The following UGT1A10 variants were observed in gnomAD, a reference collection of about 807,000 sequenced individuals.
UGT1A10 encodes the protein UDP glucuronosyltransferase family 1 member A10.
UGT1A10 carries 49 observed loss-of-function variants against 45.8 expected under a neutral mutation model. The ratio of observed to expected loss-of-function variants is 1.07; its 90% confidence interval spans 0.85 to 1.36. UGT1A10 has a LOEUF of 1.36. UGT1A10 is among the 40% of genes most tolerant of loss of function. The probability of loss-of-function intolerance (pLI) is 0.00; values close to 1 mark genes in which losing one functional copy is unlikely to be tolerated. For synonymous variants in UGT1A10, 284 were observed against 249.7 expected, an observed-to-expected ratio of 1.14 and a Z score of -1.29; for missense variants, 745 against 668.6, an observed-to-expected ratio of 1.11 and a Z score of -1.26.
intron 1 of UGT1A10, chr2:233,681,854 G>A: frequency 1.3e-6 from 2 of 1,520,274 alleles, no homozygotes; most frequent in Non-Finnish European, 1.8e-6. Context: ...TTCTTTTGAG[G>A]GCAGGTTCTA....
intron 1 of UGT1A10, among the ~76,000 whole-genome samples, chr2:233,668,953 G>A (rs994940063): frequency 3.3e-5 from 5 of 152,184 alleles, no homozygotes; most frequent in Non-Finnish European, 7.3e-5. Context: ...TTCTGGTGAG[G>A]TATTCTGTAG....
rs905370510 is a variant in UGT1A10, at chr2:233,664,719, C to T, written c.855+27342C>T. On this transcript the variant is annotated intron_variant, in intron 1 of 4. Transcript: ENST00000344644. ...GGGATCCACCCCCATGATCCAAACA[C>T]CTCCCACCAGGCCCCACCTCCAACA... Among the ~76,000 whole-genome samples the T allele has an allele frequency of 1.8e-4, 27 of 152,174 alleles. 1 individual carries two copies. Among genetic ancestry groups the T allele is most frequent in the Non-Finnish European group, 7.4e-5 (5 of 68,026 alleles).
At position 233,681,832 on chromosome 2, in the gene UGT1A10, T is replaced by G. The variant is rs28969712; in HGVS notation, c.855+44455T>G. 5.5e-3 allele frequency: 8,299 copies of G among 1,503,360 alleles called. 357 individuals are homozygous for G. The African/African-American group carries it at 0.099, about 18-fold the overall frequency. The allele number at this position is 1,503,360 out of a possible 1,614,324, so 93.1% of individuals were successfully genotyped here. ...GTGAATTTTTTTTTAAATGAATGAA[T>G]AAGTACACGCCTTCTTTTGAGGGCA... On this transcript the variant is annotated intron_variant, in intron 1 of 4. Transcript: ENST00000344644.
At chr2:233,674,238 A>G (rs1173538575) in intron 1 of UGT1A10, among the ~76,000 whole-genome samples, 1 of 152,166 alleles carries the variant, frequency 6.6e-6, no homozygotes, top group Non-Finnish European at 1.5e-5. Context: ...AAGTGAAATA[A>G]TGCTCTTTCT....
At chr2:233,749,947 C>T (rs1454449200) in intron 1 of UGT1A10, among the ~76,000 whole-genome samples, 4 of 151,812 alleles carry the variant, frequency 2.6e-5, no homozygotes, top group East Asian at 1.9e-4. Context: ...TATGAATTAC[C>T]GAGTCTTGGG....
intron 1 of UGT1A10, among the ~76,000 whole-genome samples, chr2:233,654,557 G>A (rs768604745): frequency 2.6e-5 from 4 of 152,186 alleles, no homozygotes; most frequent in Non-Finnish European, 5.9e-5. Context: ...ATAATTGTTT[G>A]TAATATATAA....
intron 1 of UGT1A10, among the ~76,000 whole-genome samples, chr2:233,746,480 C>A (rs1693404181): frequency 1.3e-5 from 2 of 151,692 alleles, no homozygotes; most frequent in Admixed American, 6.5e-5. Context: ...AAACACTTTC[C>A]ATGGACATGT....
chr2:233,657,979 G>A (rs976846459), intron 1 of UGT1A10, among the ~76,000 whole-genome samples: 7 of 150,640 alleles, frequency 4.6e-5, no homozygotes, highest in Admixed American at 2.6e-4. Context: ...GCAAGAACTA[G>A]CACAGAGAAT....
intron 1 of UGT1A10, among the ~76,000 whole-genome samples, chr2:233,667,556 T>C (rs1255668506): frequency 3.3e-5 from 5 of 152,152 alleles, no homozygotes; most frequent in Non-Finnish European, 7.3e-5. Flanking sequence ...CTAAAGAGCT[T>C]CTGCACAGCA....
intron 1 of UGT1A10, among the ~76,000 whole-genome samples, chr2:233,747,024 C>T (rs773156337): frequency 2.0e-5 from 3 of 151,838 alleles, no homozygotes; most frequent in South Asian, 2.1e-4. Flanking sequence ...CGGTCTTTCC[C>T]GAAGTGGGAC....
chr2:233,687,234 A>G (rs959711464), intron 1 of UGT1A10, among the ~76,000 whole-genome samples: 1 of 152,052 alleles, frequency 6.6e-6, no homozygotes, highest in Non-Finnish European at 1.5e-5. Context: ...ATTATCTCCA[A>G]CCTCCACAAG....
chr2:233,692,797 C>G (rs925616937), intron 1 of UGT1A10: 2 of 1,378,304 alleles, frequency 1.5e-6, no homozygotes, highest in African/African-American at 1.5e-5. Flanking sequence ...AAAGCTGACA[C>G]GGCCATAGTT....
At chr2:233,682,447 G>C in intron 1 of UGT1A10, 1 of 1,613,828 alleles carries the variant, frequency 6.2e-7, no homozygotes, top group East Asian at 2.2e-5. Flanking sequence ...TCTTCGCCAG[G>C]GGAATATTTT....
chr2:233,712,580 A>G (rs1406304972), intron 1 of UGT1A10, among the ~76,000 whole-genome samples: 1 of 152,234 alleles, frequency 6.6e-6, no homozygotes, highest in Non-Finnish European at 1.5e-5. Flanking sequence ...GGTCACATCC[A>G]GCAGAGACCA....
chr2:233,748,886 T>C (rs559177980), intron 1 of UGT1A10, among the ~76,000 whole-genome samples: 20 of 151,542 alleles, frequency 1.3e-4, no homozygotes, highest in Non-Finnish European at 2.8e-4. Flanking sequence ...TGAATGGACA[T>C]GTGTCCAAGA....
rs779826535 is a variant in UGT1A10 at position 233,768,441 on chromosome 2, TAAGA to T, written c.1295+8_1295+11del. ...AAAAGCAGTCATCAATGACAAAAGGTAAGAAAGAAGATACAGAAGAATACTTTGG... is the reference window on the plus strand; with the variant it reads ...AAAAGCAGTCATCAATGACAAAAGGTAAGAAGATACAGAAGAATACTTTGG... On this transcript the variant is annotated splice_donor_5th_base_variant and intron_variant, in intron 4 of 4. Coordinates refer to ENST00000344644, the MANE Select transcript of UGT1A10 (RefSeq NM_019075.4). 2 of 1,613,308 alleles carry T rather than the reference TAAGA, an allele frequency of 1.2e-6. No individual in the cohort carries two copies. Among genetic ancestry groups the T allele is most frequent in the Non-Finnish European group, 1.7e-6 (2 of 1,179,602 alleles).
rs552536149 is a variant in UGT1A10 at position 233,737,258 on chromosome 2, C to T, written c.856-29776C>T. Among the ~76,000 whole-genome samples, 3 of 152,360 alleles carry T rather than the reference C, an allele frequency of 2.0e-5. No individual in the cohort carries two copies. In the East Asian group the frequency reaches 5.8e-4, roughly 29 times the overall value. On this transcript the variant is annotated intron_variant, in intron 1 of 4. Coordinates refer to ENST00000344644, the MANE Select transcript of UGT1A10 (RefSeq NM_019075.4). Reference sequence around the variant, plus strand: ...CTTTGTTTACCTACTCAAGCCTCAGCAATGGCGGACACCCCTCACCCAGCC... The same window carrying T: ...CTTTGTTTACCTACTCAAGCCTCAGTAATGGCGGACACCCCTCACCCAGCC...
chr2:233,693,595 A>G (rs200043339), intron 1 of UGT1A10: 17 of 1,614,104 alleles, frequency 1.1e-5, no homozygotes, highest in Non-Finnish European at 1.4e-5. Flanking sequence ...GGTGCTACAC[A>G]AAGTTTTCAG....
chr2:233,643,713 G>A (rs1235784238), intron 1 of UGT1A10, among the ~76,000 whole-genome samples: 2 of 152,140 alleles, frequency 1.3e-5, no homozygotes, highest in Non-Finnish European at 2.9e-5. Flanking sequence ...GACGTAGTAC[G>A]AGGTTTCACT....
Sources: allele counts gnomAD v4.1 joint callset (sites outside exome capture counted in the v4.1 genomes callset), GRCh38; gene constraint gnomAD v4.1.1; transcripts MANE v1.5; gene names NCBI Gene and HGNC (gene_info 2026-07-23, HGNC 2026-07-21).